Variants in FSD2 observed in about 807,000 individuals in gnomAD.
The protein encoded by FSD2 is fibronectin type III and SPRY domain containing 2.
FSD2 carries 71 observed loss-of-function variants against 80.4 expected under a neutral mutation model. That is an observed-to-expected ratio of 0.88 (90% CI 0.73 to 1.08). FSD2 has a LOEUF of 1.08. Among genes scored for constraint, FSD2 ranks in the 50% least tolerant of loss-of-function variants. The pLI is 0.00. For synonymous variants in FSD2, 361 were observed against 329.5 expected (o/e 1.10, Z -1.03); for missense variants, 923 against 913.8 (o/e 1.01, Z -0.13).
rs188717153 is a variant in FSD2 at position 82,794,357 on chromosome 15, C to T, written c.-78-6889G>A. On this transcript the variant is annotated intron_variant, in intron 1 of 12. Transcript: ENST00000334574. Reference sequence around the variant, plus strand: ...CCAGAAAACATATTTTGTATTATTTCTGTCCTTTTAAATTTATTGAGGTTT... The same window carrying T: ...CCAGAAAACATATTTTGTATTATTTTTGTCCTTTTAAATTTATTGAGGTTT... 2.0e-5 allele frequency among the ~76,000 whole-genome samples: 3 copies of T among 152,154 alleles called. No homozygotes were observed. The East Asian group carries it at 5.8e-4, about 29-fold the overall frequency.
intron 1 of FSD2, among the ~76,000 whole-genome samples, chr15:82,805,257 G>A (rs560474010): frequency 2.7e-4 from 41 of 151,042 alleles, no homozygotes; most frequent in African/African-American, 1.0e-3. Flanking sequence ...ACCTTTTATG[G>A]ATCATGGGCA....
rs1163203892 is a variant in FSD2, at chr15:82,757,925, T to C, written c.*1423A>G. The C allele has an allele frequency of 6.6e-6, 1 of 152,464 alleles. No individual in the cohort carries two copies. The highest frequency in any genetic ancestry group is 1.5e-5 in the Non-Finnish European group (1 of 68,298). The allele number at this position is 152,464 out of a possible 1,614,324, so 9.4% of individuals were successfully genotyped here. A position where few individuals can be genotyped will look rare whatever the true frequency, so the allele number is the denominator to read the frequency against. ...TTTTTTGTTTGTTTGTTTGTTTGTTTTTGAGACAGAGTTGCGCTCTTGTTG... is the reference window on the plus strand; with the variant it reads ...TTTTTTGTTTGTTTGTTTGTTTGTTCTTGAGACAGAGTTGCGCTCTTGTTG... On this transcript the variant is annotated 3_prime_UTR_variant, in exon 13 of 13. Coordinates refer to ENST00000334574, the MANE Select transcript of FSD2 (RefSeq NM_001007122.4).
In FSD2 at chr15:82,756,970, A is replaced by G. The variant is rs1172734587; in HGVS notation, c.*2378T>C. The G allele has an allele frequency of 6.6e-6, 1 of 152,178 alleles. No individual in the cohort carries two copies. The highest frequency in any genetic ancestry group is 2.4e-5 in the African/African-American group (1 of 41,440). The allele number at this position is 152,178 out of a possible 1,614,324, so 9.4% of individuals were successfully genotyped here. A position where few individuals can be genotyped will look rare whatever the true frequency, so the allele number is the denominator to read the frequency against. The stretch of plus-strand genomic sequence containing the variant: ...TCTGTCCCTTGCTGAATACAGTTTC[A>G]GTAGATTGTTTATAGTAGTTTCAGG... On this transcript the variant is annotated 3_prime_UTR_variant, in exon 13 of 13. Coordinates refer to ENST00000334574, the MANE Select transcript of FSD2 (RefSeq NM_001007122.4).
chr15:82,780,226 A>G lies in FSD2; in HGVS notation c.989+19T>C, dbSNP rs375665744. On this transcript the variant is annotated intron_variant, in intron 5 of 12. Transcript: ENST00000334574. ...GAAAAAAGTAAAAAAAGAAATACAT[A>G]CTAGAACAAATGTATTACCTGTCAG... 136 of 1,486,840 alleles carry G rather than the reference A, an allele frequency of 9.1e-5. No individual in the cohort carries two copies. In the African/African-American group the frequency reaches 1.7e-3, roughly 19 times the overall value. 92.1% of individuals were successfully genotyped at this position (1,486,840 alleles called of 1,614,324 possible).
At chr15:82,795,704 C>T (rs1040366569) in intron 1 of FSD2, among the ~76,000 whole-genome samples, 14 of 152,080 alleles carry the variant, frequency 9.2e-5, no homozygotes, top group Admixed American at 5.9e-4. Context: ...TGGTGGCACA[C>T]GCCTGTAATC....
intron 1 of FSD2, among the ~76,000 whole-genome samples, chr15:82,794,729 T>C (rs1401026551): frequency 6.8e-6 from 1 of 147,906 alleles, no homozygotes; most frequent in African/African-American, 2.6e-5. Context: ...CTCTTTTCTT[T>C]TTTTTTTTTT....
intron 1 of FSD2, among the ~76,000 whole-genome samples, chr15:82,796,000 CTTTTTTTTTT>C (rs143711664): frequency 7.7e-5 from 9 of 117,504 alleles, no homozygotes; most frequent in Non-Finnish European, 1.5e-4. Flanking sequence ...TTTTTCTTTT[CTTTTTTTTTT>C]TTTTTTTTTG....
intron 6 of FSD2, 139 bp downstream of exon 6, chr15:82,778,627 A>G: frequency 1.1e-6 from 1 of 917,422 alleles, no homozygotes; most frequent in Non-Finnish European, 1.6e-6. Context: ...ACAACACAGT[A>G]CCTGTATTTA....
At chr15:82,795,426 A>G (rs891406658) in intron 1 of FSD2, among the ~76,000 whole-genome samples, 1 of 152,188 alleles carries the variant, frequency 6.6e-6, no homozygotes, top group Non-Finnish European at 1.5e-5. Context: ...CCAATTCTTA[A>G]CTTTCTAGTA....
chr15:82,763,845 C>A (rs1286049844), intron 11 of FSD2, among the ~76,000 whole-genome samples: 1 of 152,198 alleles, frequency 6.6e-6, no homozygotes, highest in Non-Finnish European at 1.5e-5. Context: ...ACTGGACTTT[C>A]TCCGACTTTC....
chr15:82,788,540 A>G (rs1374180469), intron 1 of FSD2, among the ~76,000 whole-genome samples: 1 of 151,270 alleles, frequency 6.6e-6, no homozygotes, highest in East Asian at 2.0e-4. Context: ...GACAGAACAA[A>G]TAAGTAGATG....
chr15:82,760,168 C>G (rs1268904950), intron 12 of FSD2, among the ~76,000 whole-genome samples: 1 of 152,212 alleles, frequency 6.6e-6, no homozygotes, highest in East Asian at 1.9e-4. Context: ...ATCCTGAACT[C>G]TCTTTCATCT....
chr15:82,795,809 G>A (rs2050250767), intron 1 of FSD2, among the ~76,000 whole-genome samples: 1 of 151,146 alleles, frequency 6.6e-6, no homozygotes, highest in Non-Finnish European at 1.5e-5. Context: ...CTCAGCCTGG[G>A]TGATGGAGCG....
At chr15:82,787,765 AATT>A (rs928067542) in intron 1 of FSD2, among the ~76,000 whole-genome samples, 21 of 151,498 alleles carry the variant, frequency 1.4e-4, no homozygotes, top group Non-Finnish European at 2.9e-4. Context: ...CATCTCAGGC[AATT>A]ATTATTATTA....
intron 1 of FSD2, among the ~76,000 whole-genome samples, chr15:82,790,569 C>A (rs1052468006): frequency 3.3e-5 from 3 of 89,862 alleles, no homozygotes; most frequent in South Asian, 2.9e-4. Flanking sequence ...TGTGTGTGTT[C>A]GTGCGTGTGT....
chr15:82,759,494 A>G lies in FSD2; in HGVS notation c.2104T>C (p.Phe702Leu), dbSNP rs771084427. The G allele has an allele frequency of 2.5e-6, 4 of 1,612,976 alleles. No homozygotes were observed. In the South Asian group the frequency reaches 4.4e-5, roughly 18 times the overall value. The part of the protein sequence containing the change: ...LLDYEHSKLS[F>L]FNVDLSQHLY... ...TGCTGAGAAAGGTCCACATTGAAAAATGACAACTTTGAATGTTCATAGTCT... is the reference window on the plus strand; with the variant it reads ...TGCTGAGAAAGGTCCACATTGAAAAGTGACAACTTTGAATGTTCATAGTCT... The change falls in exon 13 of 13, where the codon TTT becomes CTT. Residue 702 changes from phenylalanine to leucine, a missense_variant. Coordinates refer to ENST00000334574, the MANE Select transcript of FSD2 (RefSeq NM_001007122.4).
intron 1 of FSD2, among the ~76,000 whole-genome samples, chr15:82,801,817 G>A (rs193038243): frequency 1.3e-5 from 2 of 152,230 alleles, no homozygotes; most frequent in East Asian, 3.9e-4. Context: ...GAGATACCAT[G>A]ACCATGCAGG....
chr15:82,787,276 C>T lies in FSD2; in HGVS notation c.115G>A (p.Glu39Lys), dbSNP rs1378332470. ...ACTACTTTCCTCATCCTAGTGTTCT[C>T]TTCTGGAAAGAGGTGCAGTCTGTCT... Reference protein sequence around the residue: ...SEDRLHLFPEENTRMRKVVQA... With the variant: ...SEDRLHLFPEKNTRMRKVVQA... Residue 39 changes from glutamate to lysine, a missense_variant, in exon 2 of 13, where the codon GAG (glutamate) becomes AAG (lysine). Coordinates refer to ENST00000334574, the MANE Select transcript of FSD2 (RefSeq NM_001007122.4). 2 of 1,613,764 alleles carry T rather than the reference C, an allele frequency of 1.2e-6. No homozygotes were observed. Among genetic ancestry groups the T allele is most frequent in the Middle Eastern group, 1.6e-4 (1 of 6,084 alleles).
chr15:82,787,852 T>C (rs1344815304), intron 1 of FSD2, among the ~76,000 whole-genome samples: 1 of 152,132 alleles, frequency 6.6e-6, no homozygotes, highest in Non-Finnish European at 1.5e-5. Flanking sequence ...TGATCTCGGC[T>C]GACTGCAGCC....
Sources: gnomAD v4.1 joint callset for allele counts (sites outside exome capture counted in the v4.1 genomes callset) on GRCh38, gnomAD v4.1.1 for gene constraint, MANE v1.5 for transcripts, NCBI Gene and HGNC (gene_info 2026-07-23, HGNC 2026-07-21) for gene names.